Variants in JAG1 observed in about 807,000 individuals in gnomAD.
JAG1 encodes jagged canonical Notch ligand 1.
In JAG1, 23 loss-of-function variants were observed where a neutral mutation model predicts 148.7. The observed-to-expected ratio is 0.15, with a 90% CI of 0.11 to 0.22. The LOEUF (loss-of-function observed/expected upper bound fraction) is 0.22. Ranked by LOEUF, JAG1 falls within the 10% of genes least tolerant of loss-of-function variation. The probability of loss-of-function intolerance (pLI) is 1.00; values close to 1 mark genes in which losing one functional copy is unlikely to be tolerated. For synonymous variants in JAG1, 572 were observed against 598.3 expected (o/e 0.96, Z 0.64); for missense variants, 1,054 against 1,611.2 (o/e 0.65, Z 5.92).
In JAG1 at chr20:10,639,627, G is replaced by A. The variant is rs1051421; in HGVS notation, c.3528C>T (p.Tyr1176=). Residue 1176 remains tyrosine, a synonymous_variant, in exon 26 of 26, where the codon TAC becomes TAT. Coordinates refer to ENST00000254958, the MANE Select transcript of JAG1 (RefSeq NM_000214.3). The part of the protein sequence containing the change: ...QKARFAKQPA[Y]TLVDREEKPP... Reference sequence around the variant, plus strand: ...GCTTCTCTTCTCTGTCTACCAGCGTGTACGCCGGCTGCTTGGCAAACCGGG... The same window carrying A: ...GCTTCTCTTCTCTGTCTACCAGCGTATACGCCGGCTGCTTGGCAAACCGGG... 0.25 allele frequency: 407,753 copies of A among 1,614,010 alleles called. 53,389 individuals carry two copies. The highest frequency in any genetic ancestry group is 0.28 in the Admixed American group (16,543 of 59,990).
intron 19 of JAG1, 112 bp from the exon 20 acceptor site, chr20:10,643,975 G>A (rs1040155702): frequency 3.5e-5 from 28 of 810,828 alleles, no homozygotes; most frequent in South Asian, 1.9e-4. Context: ...CCCCATGGCC[G>A]TTGCCTGGGG....
At chr20:10,664,992 A>G (rs1331786596) in intron 2 of JAG1, among the ~76,000 whole-genome samples, 1 of 152,242 alleles carries the variant, frequency 6.6e-6, no homozygotes, top group African/African-American at 2.4e-5. Context: ...AGCTTCTGCT[A>G]TCTTGGCACT....
chr20:10,669,966 CT>C (rs1426898554), intron 2 of JAG1, among the ~76,000 whole-genome samples: 1 of 152,134 alleles, frequency 6.6e-6, no homozygotes, highest in African/African-American at 2.4e-5. Context: ...CAGATAGTTG[CT>C]GCAAGTTAAG....
At chr20:10,649,767 C>G (rs2067333745) in intron 9 of JAG1, 132 bp from the exon 10 acceptor site, 1 of 696,002 alleles carries the variant, frequency 1.4e-6, no homozygotes, top group Non-Finnish European at 2.6e-6. Flanking sequence ...ATAAAAGATA[C>G]TAGAGGTTCC....
intron 13 of JAG1, chr20:10,647,378 T>TACCCA (rs2067316440): frequency 3.9e-6 from 2 of 518,742 alleles, no homozygotes; most frequent in Non-Finnish European, 7.0e-6. Context: ...CTTTGACATC[T>TACCCA]ACCCAATTTG....
At chr20:10,641,975 T>G (rs1464467177) in intron 21 of JAG1, 83 bp from the exon 22 acceptor site, 1 of 896,068 alleles carries the variant, frequency 1.1e-6, no homozygotes, top group African/African-American at 1.6e-5. Context: ...TATGAAATGG[T>G]TATGCCTGTG....
chr20:10,645,867 G>T lies in JAG1; in HGVS notation c.1999+104C>A. 1.2e-6 allele frequency: 1 copy of T among 842,426 alleles called. No homozygotes were observed. Among genetic ancestry groups the T allele is most frequent in the Non-Finnish European group, 2.1e-6 (1 of 480,436 alleles). The allele number at this position is 842,426 out of a possible 1,614,324, so 52.2% of individuals were successfully genotyped here. ...CCAGTGCAGAAATCACTGCGGTCTT[G>T]CTTCCAGAGATTTCCAGTACAAAGA... On this transcript the variant is annotated intron_variant, in intron 15 of 25. Transcript: ENST00000254958. The surrounding 1 kb of genome is among the most constrained non-coding windows in gnomAD (Gnocchi z 6.1).
intron 3 of JAG1, among the ~76,000 whole-genome samples, chr20:10,660,679 A>C (rs1433894382): frequency 6.6e-6 from 1 of 152,206 alleles, no homozygotes; most frequent in Non-Finnish European, 1.5e-5. Flanking sequence ...AGCTGCATAC[A>C]TAATTTCACA....
chr20:10,648,237 G>T, intron 12 of JAG1, 127 bp from the exon 13 acceptor site: 3 of 1,094,708 alleles, frequency 2.7e-6, no homozygotes, highest in South Asian at 1.3e-5. Context: ...GAGACACCCT[G>T]TAAGATACAT....
Position 10,648,734 on chromosome 20 carries a change from G to C in JAG1, c.1396-12C>G. 1 of 1,613,378 alleles carries C rather than the reference G, an allele frequency of 6.2e-7. No individual in the cohort carries two copies. The highest frequency in any genetic ancestry group is 1.3e-5 in the African/African-American group (1 of 75,034). ...CCATTAACCAAATCCTAGAAGAGGA[G>C]AAGGGGAGAGAGAGACACATGCTTT... On this transcript the variant is annotated splice_polypyrimidine_tract_variant and intron_variant, in intron 11 of 25. Coordinates refer to ENST00000254958, the MANE Select transcript of JAG1 (RefSeq NM_000214.3).
intron 3 of JAG1, among the ~76,000 whole-genome samples, chr20:10,661,094 A>T (rs1008908713): frequency 4.6e-5 from 7 of 152,190 alleles, no homozygotes; most frequent in African/African-American, 1.7e-4. Context: ...GGGAGAAAGA[A>T]ATTTGGAACT....
chr20:10,645,541 T>G lies in JAG1; in HGVS notation c.2000-72A>C. On this transcript the variant is annotated intron_variant, in intron 15 of 25. Transcript: ENST00000254958. The surrounding 1 kb of genome is among the most constrained non-coding windows in gnomAD (Gnocchi z 6.1). ...ATTCACGACAGGCGAGAGCCAAGCCTTTCCTACTGCTTACATCCAACATCC... is the reference window on the plus strand; with the variant it reads ...ATTCACGACAGGCGAGAGCCAAGCCGTTCCTACTGCTTACATCCAACATCC... The G allele has an allele frequency of 8.7e-7, 1 of 1,155,604 alleles. No individual in the cohort carries two copies. The highest frequency in any genetic ancestry group is 1.3e-6 in the Non-Finnish European group (1 of 769,014). 71.6% of individuals were successfully genotyped at this position (1,155,604 alleles called of 1,614,324 possible).
At position 10,673,603 on chromosome 20, in the gene JAG1, C is replaced by A. The variant is rs886056514; in HGVS notation, c.-73G>T. ...GCGCTGGTGCTGCCGCCGGTGCTGCCGTCGCCGCTGCCCCTGCGGCCGCCG... is the reference window on the plus strand; with the variant it reads ...GCGCTGGTGCTGCCGCCGGTGCTGCAGTCGCCGCTGCCCCTGCGGCCGCCG... On this transcript the variant is annotated 5_prime_UTR_variant, in exon 1 of 26. Coordinates refer to ENST00000254958, the MANE Select transcript of JAG1 (RefSeq NM_000214.3). This position sits in a 1 kb window ranked among gnomAD's most constrained non-coding sequence, Gnocchi z 4.7. 4 of 853,378 alleles carry A rather than the reference C, an allele frequency of 4.7e-6. No homozygotes were observed. The highest frequency in any genetic ancestry group is 5.7e-5 in the South Asian group (1 of 17,674). The allele number at this position is 853,378 out of a possible 1,614,324, so 52.9% of individuals were successfully genotyped here.
rs1179449836 is a variant in JAG1, at chr20:10,663,465, C to T, written c.439+498G>A. Among the ~76,000 whole-genome samples, 4 of 152,270 alleles carry T rather than the reference C, an allele frequency of 2.6e-5. No individual in the cohort carries two copies. The East Asian group carries it at 5.8e-4, about 22-fold the overall frequency. On this transcript the variant is annotated intron_variant, in intron 3 of 25. Coordinates refer to ENST00000254958, the MANE Select transcript of JAG1 (RefSeq NM_000214.3). ...TAATGGCTGTGAAGCTCTGGAATTG[C>T]GCTTCAATGAAAGGTTTGTGGAGCA...
chr20:10,657,130 T>C (rs1171502950), intron 4 of JAG1, among the ~76,000 whole-genome samples: 2 of 151,968 alleles, frequency 1.3e-5, no homozygotes, highest in Admixed American at 1.3e-4. Flanking sequence ...CTTTGGGAGA[T>C]TGAGGCAGAA....
chr20:10,664,243 GCACTGGAGTCA>G (rs1555830150), intron 2 of JAG1, among the ~76,000 whole-genome samples: 1 of 152,038 alleles, frequency 6.6e-6, no homozygotes, highest in Non-Finnish European at 1.5e-5. Context: ...TGGCAGGGAC[GCACTGGAGTCA>G]ACATGCATGC....
At chr20:10,644,492 G>C in intron 18 of JAG1, 108 bp from the exon 19 acceptor site, 2 of 855,850 alleles carry the variant, frequency 2.3e-6, no homozygotes, top group Non-Finnish European at 2.0e-6. Context: ...TAAAGTCGTA[G>C]TTAACACCAG....
intron 7 of JAG1, 94 bp downstream of exon 7, chr20:10,652,036 CT>C (rs1298888486): frequency 1.1e-4 from 154 of 1,407,384 alleles, no homozygotes; most frequent in Middle Eastern, 3.5e-4. Context: ...GCTATTTTCA[CT>C]TTTTTTTCCT....
rs2067251104 is a variant in JAG1, at chr20:10,638,943, TA to T, written c.*554del. ...GTTCTACTTTTGACATTTTTTTCTTTAAATTCTTCATTTTACCAGCAACTGC... is the reference window on the plus strand; with the variant it reads ...GTTCTACTTTTGACATTTTTTTCTTTAATTCTTCATTTTACCAGCAACTGC... On this transcript the variant is annotated 3_prime_UTR_variant, in exon 26 of 26. Coordinates refer to ENST00000254958, the MANE Select transcript of JAG1 (RefSeq NM_000214.3). 6.4e-6 allele frequency: 1 copy of T among 155,326 alleles called. No homozygotes were observed. Among genetic ancestry groups the T allele is most frequent in the Non-Finnish European group, 1.4e-5 (1 of 69,566 alleles). The allele number at this position is 155,326 out of a possible 1,614,324, so 9.6% of individuals were successfully genotyped here. A position where few individuals can be genotyped will look rare whatever the true frequency, so the allele number is the denominator to read the frequency against.
Sources: gnomAD v4.1 joint callset for allele counts (sites outside exome capture counted in the v4.1 genomes callset) on GRCh38, gnomAD v4.1.1 for gene constraint, Gnocchi (gnomAD v3.1) non-coding constraint, MANE v1.5 for transcripts, NCBI Gene and HGNC (gene_info 2026-07-23, HGNC 2026-07-21) for gene names.